Variants in MCTP1 observed in about 807,000 individuals in gnomAD.
MCTP1 encodes the protein multiple C2 and transmembrane domain containing 1.
A neutral mutation model predicts 120.6 loss-of-function variants in MCTP1; 69 were observed. That is an observed-to-expected ratio of 0.57 (90% CI 0.47 to 0.70). MCTP1 has a LOEUF of 0.70. Among genes scored for constraint, MCTP1 ranks in the 30% least tolerant of loss-of-function variants. The probability of loss-of-function intolerance (pLI) is 0.00; values close to 1 mark genes in which losing one functional copy is unlikely to be tolerated. For synonymous variants in MCTP1, 529 were observed against 493.1 expected (o/e 1.07, Z -0.96); for missense variants, 1,203 against 1,248.8 (o/e 0.96, Z 0.55).
chr5:94,942,080 C>T (rs376110693), intron 4 of MCTP1, among the ~76,000 whole-genome samples: 38 of 152,150 alleles, frequency 2.5e-4, no homozygotes, highest in Non-Finnish European at 4.4e-4. Context: ...TTTTATCTCT[C>T]GATTCCTGGT....
chr5:94,939,948 C>T (rs868595767), intron 5 of MCTP1, 136 bp downstream of exon 5: 35 of 509,490 alleles, frequency 6.9e-5, no homozygotes, highest in African/African-American at 4.8e-4. Context: ...ATGAGCAATA[C>T]CTAGGATACT....
At chr5:95,211,562 A>G (rs1314038026) in intron 1 of MCTP1, among the ~76,000 whole-genome samples, 1 of 152,094 alleles carries the variant, frequency 6.6e-6, no homozygotes, top group Non-Finnish European at 1.5e-5. Flanking sequence ...TGGTTATTCT[A>G]GTTATACATT....
intron 9 of MCTP1, among the ~76,000 whole-genome samples, chr5:94,910,487 T>A (rs1014182082): frequency 6.6e-6 from 1 of 152,124 alleles, no homozygotes; most frequent in African/African-American, 2.4e-5. Flanking sequence ...CTCTTTTTAA[T>A]GTATGGCAGA....
chr5:94,945,457 T>C (rs779303668), intron 3 of MCTP1, among the ~76,000 whole-genome samples: 11 of 152,150 alleles, frequency 7.2e-5, no homozygotes, highest in Admixed American at 7.2e-4. Flanking sequence ...TATAGGTAAT[T>C]ATGGCTTCTG....
chr5:95,048,964 A>G (rs1202845740), intron 1 of MCTP1, among the ~76,000 whole-genome samples: 1 of 152,160 alleles, frequency 6.6e-6, no homozygotes, highest in African/African-American at 2.4e-5. Flanking sequence ...AGAGTCAAAA[A>G]GTTGTACTAA....
At chr5:95,227,384 T>G (rs1304756106) in intron 1 of MCTP1, among the ~76,000 whole-genome samples, 2 of 152,214 alleles carry the variant, frequency 1.3e-5, no homozygotes, top group Non-Finnish European at 2.9e-5. Context: ...ATGGAAAGCT[T>G]AAACTATTTT....
At chr5:94,988,976 A>G (rs1160687471) in intron 2 of MCTP1, among the ~76,000 whole-genome samples, 1 of 152,164 alleles carries the variant, frequency 6.6e-6, no homozygotes, top group African/African-American at 2.4e-5. Flanking sequence ...TGATTCAACT[A>G]TCTCCACCTG....
intron 2 of MCTP1, among the ~76,000 whole-genome samples, chr5:94,957,463 C>T (rs1186883545): frequency 6.6e-6 from 1 of 152,028 alleles, no homozygotes; most frequent in East Asian, 1.9e-4. Flanking sequence ...TTAAAAGGCA[C>T]AGACTAGTAA....
intron 1 of MCTP1, among the ~76,000 whole-genome samples, chr5:95,026,560 G>A (rs1839301905): frequency 6.6e-6 from 1 of 152,090 alleles, no homozygotes; most frequent in Admixed American, 6.6e-5. Flanking sequence ...TCTGTGCCCG[G>A]CTTATTTCGC....
At chr5:95,060,198 G>A (rs1748568853) in intron 1 of MCTP1, among the ~76,000 whole-genome samples, 1 of 152,058 alleles carries the variant, frequency 6.6e-6, no homozygotes, top group Non-Finnish European at 1.5e-5. Flanking sequence ...TGAGATCTCT[G>A]CCTCTTTGGG....
chr5:94,827,498 G>A (rs975060718), intron 17 of MCTP1, among the ~76,000 whole-genome samples: 3 of 152,092 alleles, frequency 2.0e-5, no homozygotes, highest in African/African-American at 7.2e-5. Context: ...TGTATTTCCT[G>A]AATTTGAATA....
At chr5:95,052,736 A>G (rs977014088) in intron 1 of MCTP1, among the ~76,000 whole-genome samples, 2 of 152,192 alleles carry the variant, frequency 1.3e-5, no homozygotes, top group Admixed American at 6.5e-5. Context: ...GAAGCTTTCA[A>G]CTTGTTTGCT....
chr5:94,809,955 GAA>G (rs912611455), intron 17 of MCTP1, among the ~76,000 whole-genome samples: 1 of 151,556 alleles, frequency 6.6e-6, no homozygotes, highest in Non-Finnish European at 1.5e-5. Context: ...TTCTAAGGAA[GAA>G]AAAAAAGTGT....
intron 2 of MCTP1, among the ~76,000 whole-genome samples, chr5:94,974,129 T>C (rs896430744): frequency 5.3e-5 from 8 of 152,168 alleles, no homozygotes; most frequent in African/African-American, 1.9e-4. Flanking sequence ...CTCAATATAA[T>C]TAAATTTAAA....
chr5:95,044,668 A>G (rs1437716105), intron 1 of MCTP1, among the ~76,000 whole-genome samples: 2 of 151,834 alleles, frequency 1.3e-5, no homozygotes, highest in African/African-American at 4.8e-5. Flanking sequence ...AACCCAGGCA[A>G]AGCATTCCCC....
chr5:94,815,302 T>C (rs1423586238), intron 17 of MCTP1, among the ~76,000 whole-genome samples: 1 of 152,204 alleles, frequency 6.6e-6, no homozygotes, highest in East Asian at 1.9e-4. Context: ...TAAAGCTTAA[T>C]ACATGTGTTT....
chr5:94,810,507 T>C (rs1190256622), intron 17 of MCTP1, among the ~76,000 whole-genome samples: 2 of 152,138 alleles, frequency 1.3e-5, no homozygotes, highest in African/African-American at 2.4e-5. Context: ...TGCCAGAAAA[T>C]AGGATACCCA....
chr5:95,209,465 T>A (rs934611004), intron 1 of MCTP1, among the ~76,000 whole-genome samples: 1 of 152,160 alleles, frequency 6.6e-6, no homozygotes, highest in Non-Finnish European at 1.5e-5. Flanking sequence ...TTAAAGATTA[T>A]TCCTATACTC....
intron 2 of MCTP1, among the ~76,000 whole-genome samples, chr5:94,965,327 T>C (rs112037400): frequency 0.015 from 2,313 of 152,250 alleles, 63 homozygotes; most frequent in African/African-American, 0.053. Flanking sequence ...TCACTCTCTT[T>C]TCCTTACAGG....
Sources: gnomAD v4.1 joint callset for allele counts (sites outside exome capture counted in the v4.1 genomes callset) on GRCh38, gnomAD v4.1.1 for gene constraint, MANE v1.5 for transcripts, NCBI Gene and HGNC (gene_info 2026-07-23, HGNC 2026-07-21) for gene names.